Variants in ARHGAP10 observed in about 807,000 individuals in gnomAD.
ARHGAP10 encodes Rho GTPase activating protein 10, also known as rho GTPase-activating protein 10.
Under a neutral mutation model 108.6 loss-of-function variants are expected in ARHGAP10, and 87 were observed. That is an observed-to-expected ratio of 0.80 (90% CI 0.67 to 0.96). The LOEUF (loss-of-function observed/expected upper bound fraction) is 0.96. ARHGAP10 is among the 40% of genes least tolerant of loss of function. The probability of loss-of-function intolerance (pLI) is 0.00; values close to 1 mark genes in which losing one functional copy is unlikely to be tolerated. For synonymous variants in ARHGAP10, 347 were observed against 341.1 expected, an observed-to-expected ratio of 1.02 and a Z score of -0.19; for missense variants, 939 against 954.5, an observed-to-expected ratio of 0.98 and a Z score of 0.21.
chr4:147,767,968 C>A (rs1288153538), intron 1 of ARHGAP10, among the ~76,000 whole-genome samples: 1 of 152,204 alleles, frequency 6.6e-6, no homozygotes, highest in East Asian at 1.9e-4. Flanking sequence ...TATGAATATA[C>A]TAGGGAGTAC....
At chr4:147,784,604 ATT>A (rs1429159968) in intron 1 of ARHGAP10, among the ~76,000 whole-genome samples, 1 of 113,006 alleles carries the variant, frequency 8.8e-6, no homozygotes, top group African/African-American at 3.7e-5. Context: ...TATATTATAT[ATT>A]TAAAATAGAA....
chr4:147,827,045 G>A (rs376295950), intron 3 of ARHGAP10, among the ~76,000 whole-genome samples: 2 of 151,806 alleles, frequency 1.3e-5, no homozygotes, highest in Admixed American at 1.3e-4. Flanking sequence ...TATTTGCCTC[G>A]GAAACCTTTA....
At chr4:147,772,474 G>A (rs1241542894) in intron 1 of ARHGAP10, among the ~76,000 whole-genome samples, 1 of 152,216 alleles carries the variant, frequency 6.6e-6, no homozygotes, top group African/African-American at 2.4e-5. Context: ...AAAGCAACAT[G>A]AGAAAAATGA....
chr4:148,014,746 A>T (rs10031581), intron 18 of ARHGAP10, among the ~76,000 whole-genome samples: 1 of 151,072 alleles, frequency 6.6e-6, no homozygotes, highest in Non-Finnish European at 1.5e-5. Flanking sequence ...CTTTAATGCA[A>T]AAACCAAAGT....
chr4:147,760,400 G>T lies in ARHGAP10; in HGVS notation c.154+27945G>T, dbSNP rs6853436. ...TCCAGATTTATCAGGTTTCTACTTG[G>T]CAACGTCAGGGTTTGAATCCAGCAG... is the stretch of plus-strand genomic sequence containing the variant. On this transcript the variant is annotated intron_variant, in intron 1 of 22. Transcript: ENST00000336498. 3.9e-3 allele frequency among the ~76,000 whole-genome samples: 588 copies of T among 152,266 alleles called. 3 individuals carry two copies. Among genetic ancestry groups the T allele is most frequent in the African/African-American group, 0.012 (506 of 41,562 alleles).
intron 1 of ARHGAP10, among the ~76,000 whole-genome samples, chr4:147,774,021 T>TC (rs1226288017): frequency 6.6e-6 from 1 of 152,164 alleles, no homozygotes; most frequent in African/African-American, 2.4e-5. Context: ...AGCTTTGTGA[T>TC]CTCAGGCAAG....
intron 18 of ARHGAP10, among the ~76,000 whole-genome samples, chr4:147,979,625 G>A (rs561854451): frequency 1.4e-3 from 207 of 152,124 alleles, no homozygotes; most frequent in Admixed American, 4.0e-3. Flanking sequence ...TGCTTTGGGC[G>A]GTATGGAGAT....
intron 18 of ARHGAP10, among the ~76,000 whole-genome samples, chr4:148,001,976 A>G (rs1259191962): frequency 3.3e-5 from 5 of 152,188 alleles, no homozygotes; most frequent in African/African-American, 1.2e-4. Flanking sequence ...GAGAGAGGGC[A>G]TCCCTGTCTT....
chr4:148,031,588 T>C (rs1466785469), intron 19 of ARHGAP10, among the ~76,000 whole-genome samples: 1 of 152,204 alleles, frequency 6.6e-6, no homozygotes, highest in East Asian at 1.9e-4. Context: ...TCAACAGACA[T>C]TGCCATTTGT....
rs137967998 is a variant in ARHGAP10, at chr4:148,054,243, C to A, written c.2027+7192C>A. Among the ~76,000 whole-genome samples, 110 of 152,314 alleles carry A rather than the reference C, an allele frequency of 7.2e-4. 1 individual carries two copies. Among genetic ancestry groups the A allele is most frequent in the African/African-American group, 2.5e-3 (105 of 41,570 alleles). On this transcript the variant is annotated intron_variant, in intron 20 of 22. Coordinates refer to ENST00000336498, the MANE Select transcript of ARHGAP10 (RefSeq NM_024605.4). ...AGTCACTGATTTCAAACAGGCCTGG[C>A]CTTGCATCCACGTTCTTTTTCTTAC...
intron 19 of ARHGAP10, among the ~76,000 whole-genome samples, chr4:148,027,259 A>T (rs1457515848): frequency 1.3e-5 from 2 of 152,238 alleles, no homozygotes; most frequent in Non-Finnish European, 2.9e-5. Context: ...CTTCTTTTGT[A>T]ACATGATACA....
At chr4:147,943,985 G>A (rs936017664) in intron 14 of ARHGAP10, among the ~76,000 whole-genome samples, 1 of 152,106 alleles carries the variant, frequency 6.6e-6, no homozygotes, top group Non-Finnish European at 1.5e-5. Flanking sequence ...CTCAAAATAC[G>A]GAATCATAAT....
Position 147,890,190 on chromosome 4 carries a change from G to C in ARHGAP10, c.1034+8258G>C, listed in dbSNP as rs76749408. On this transcript the variant is annotated intron_variant, in intron 10 of 22. Coordinates refer to ENST00000336498, the MANE Select transcript of ARHGAP10 (RefSeq NM_024605.4). ...TAAGGTTGGGAAATTGCTGTCTTTTGTTTTCAGAGGTCCATGAGTTGTTTT... is the reference window on the plus strand; with the variant it reads ...TAAGGTTGGGAAATTGCTGTCTTTTCTTTTCAGAGGTCCATGAGTTGTTTT... 3.0e-4 allele frequency among the ~76,000 whole-genome samples: 45 copies of C among 152,328 alleles called. No homozygotes were observed. In the East Asian group the frequency reaches 8.7e-3, roughly 29 times the overall value.
chr4:148,007,676 C>G (rs1250634183), intron 18 of ARHGAP10, among the ~76,000 whole-genome samples: 1 of 152,200 alleles, frequency 6.6e-6, no homozygotes, highest in Non-Finnish European at 1.5e-5. Flanking sequence ...GTAACTTCAG[C>G]AATTCGGAAG....
intron 1 of ARHGAP10, among the ~76,000 whole-genome samples, chr4:147,733,671 TCTCGGGC>T (rs1728313806): frequency 6.6e-6 from 1 of 152,178 alleles, no homozygotes; most frequent in Admixed American, 6.5e-5. Flanking sequence ...GATTATACTG[TCTCGGGC>T]ACCCAGCATG....
intron 13 of ARHGAP10, among the ~76,000 whole-genome samples, chr4:147,918,133 A>ATTTTTTTTTTTTTT (rs760617123): frequency 7.7e-6 from 1 of 129,996 alleles, no homozygotes; most frequent in African/African-American, 3.2e-5. Context: ...TCTCATTAAG[A>ATTTTTTTTTTTTTT]TTTTTTTTTT....
intron 22 of ARHGAP10, among the ~76,000 whole-genome samples, chr4:148,070,686 T>C (rs1316704233): frequency 6.6e-6 from 1 of 152,168 alleles, no homozygotes; most frequent in African/African-American, 2.4e-5. Flanking sequence ...ATGAAACTTG[T>C]GTGTGTTACG....
At chr4:148,031,601 TGTG>T (rs1315335820) in intron 19 of ARHGAP10, among the ~76,000 whole-genome samples, 3 of 152,328 alleles carry the variant, frequency 2.0e-5, no homozygotes, top group African/African-American at 7.2e-5. Context: ...CCATTTGTCT[TGTG>T]GTTCCTTTCA....
intron 13 of ARHGAP10, among the ~76,000 whole-genome samples, chr4:147,935,701 A>AT (rs1173971059): frequency 6.6e-6 from 1 of 152,258 alleles, no homozygotes; most frequent in East Asian, 1.9e-4. Flanking sequence ...GTGTTCATAG[A>AT]TAAAAAGTAT....
Sources: gnomAD v4.1 joint callset for allele counts (sites outside exome capture counted in the v4.1 genomes callset) on GRCh38, gnomAD v4.1.1 for gene constraint, MANE v1.5 for transcripts, NCBI Gene and HGNC (gene_info 2026-07-23, HGNC 2026-07-21) for gene names.